The following ZMYND8 variants were observed in gnomAD, a reference collection of about 807,000 sequenced individuals.
ZMYND8 encodes the protein MYND-type zinc finger-containing chromatin reader ZMYND8.
Under a neutral mutation model 140.8 loss-of-function variants are expected in ZMYND8, and 37 were observed. The ratio of observed to expected loss-of-function variants is 0.26; its 90% confidence interval spans 0.20 to 0.35. The LOEUF is 0.35. ZMYND8 is among the 10% of genes least tolerant of loss of function. The pLI is 1.00. For synonymous variants in ZMYND8, 592 were observed against 597.1 expected (o/e 0.99, Z 0.12); for missense variants, 1,068 against 1,570.0 (o/e 0.68, Z 5.40).
At chr20:47,309,660 TCAAGCC>T (rs2078766362) in intron 3 of ZMYND8, among the ~76,000 whole-genome samples, 1 of 151,530 alleles carries the variant, frequency 6.6e-6, no homozygotes, top group South Asian at 2.1e-4. Flanking sequence ...GGAACTTGCC[TCAAGCC>T]AAGCAACCGC....
At chr20:47,233,974 A>G (rs1415913638) in intron 16 of ZMYND8, among the ~76,000 whole-genome samples, 1 of 152,242 alleles carries the variant, frequency 6.6e-6, no homozygotes, top group African/African-American at 2.4e-5. Context: ...ACCCAATGGA[A>G]TACAGCAAAC....
chr20:47,343,996 ATT>A (rs2082135236), intron 2 of ZMYND8, among the ~76,000 whole-genome samples: 1 of 129,684 alleles, frequency 7.7e-6, no homozygotes, highest in African/African-American at 3.1e-5. Flanking sequence ...AGATAGTCTC[ATT>A]CTATCTCCCA....
At chr20:47,345,215 C>T (rs1303268177) in intron 2 of ZMYND8, among the ~76,000 whole-genome samples, 2 of 152,174 alleles carry the variant, frequency 1.3e-5, no homozygotes, top group African/African-American at 4.8e-5. Context: ...CACCAAAAGC[C>T]TCTTTGAGGA....
chr20:47,345,710 T>C (rs761136861), intron 2 of ZMYND8, among the ~76,000 whole-genome samples: 1 of 152,020 alleles, frequency 6.6e-6, no homozygotes, highest in Admixed American at 6.6e-5. Flanking sequence ...GGTTTCACCG[T>C]GTTGCCCAGG....
intron 12 of ZMYND8, among the ~76,000 whole-genome samples, chr20:47,259,361 T>C (rs1222418879): frequency 6.6e-6 from 1 of 152,110 alleles, no homozygotes; most frequent in Non-Finnish European, 1.5e-5. Flanking sequence ...GACCATCCTA[T>C]TACATCAGGG....
intron 11 of ZMYND8, among the ~76,000 whole-genome samples, chr20:47,266,294 A>C (rs2075520472): frequency 7.2e-6 from 1 of 139,494 alleles, no homozygotes. Context: ...GGGGGCGGGG[A>C]GAGAGATGGA....
Position 47,282,098 on chromosome 20 carries a change from C to A in ZMYND8, c.998+4G>T. ...CATGTTCCAAGCCTGTTATTAACTC[C>A]CACCTGTCATGTTGTCCAAAGAATC... On this transcript the variant is annotated splice_donor_region_variant and intron_variant, in intron 10 of 22. Coordinates refer to ENST00000471951, the MANE Select transcript of ZMYND8 (RefSeq NM_001281775.3). 1.2e-6 allele frequency: 2 copies of A among 1,611,024 alleles called. No individual in the cohort carries two copies. The highest frequency in any genetic ancestry group is 1.7e-6 in the Non-Finnish European group (2 of 1,178,622).
chr20:47,244,578 T>C (rs1171272018), intron 14 of ZMYND8, among the ~76,000 whole-genome samples: 1 of 152,184 alleles, frequency 6.6e-6, no homozygotes, highest in Non-Finnish European at 1.5e-5. Context: ...CAGGGGATAT[T>C]TGGCAATATT....
chr20:47,356,564 G>A (rs2083257563), intron 1 of ZMYND8, 93 bp downstream of exon 1: 1 of 1,613,700 alleles, frequency 6.2e-7, no homozygotes, highest in East Asian at 2.2e-5. Context: ...GGTGAGTGTG[G>A]CACGGCCAGC....
rs1602201582 is a variant in ZMYND8, at chr20:47,352,524, C to G, written c.14+4133G>C. ...ACCCCCAACAGAGCCTGAGAATTAA[C>G]AATGGGTTTTGCAAAACCCGCTTTC... On this transcript the variant is annotated intron_variant, in intron 1 of 22. Transcript: ENST00000471951. 3 of 985,366 alleles carry G rather than the reference C, an allele frequency of 3.0e-6. No homozygotes were observed. In the East Asian group the frequency reaches 3.4e-4, roughly 112 times the overall value. The allele number at this position is 985,366 out of a possible 1,614,324, so 61.0% of individuals were successfully genotyped here. A position where few individuals can be genotyped will look rare whatever the true frequency, so the allele number is the denominator to read the frequency against.
At chr20:47,217,150 G>C (rs1384366482) in intron 21 of ZMYND8, among the ~76,000 whole-genome samples, 1 of 152,100 alleles carries the variant, frequency 6.6e-6, no homozygotes, top group Non-Finnish European at 1.5e-5. Context: ...TAGGAAGGAG[G>C]GAGGTATAGA....
At chr20:47,339,753 G>A (rs2081684444) in intron 2 of ZMYND8, among the ~76,000 whole-genome samples, 1 of 152,182 alleles carries the variant, frequency 6.6e-6, no homozygotes, top group Non-Finnish European at 1.5e-5. Context: ...TGGGATCACA[G>A]GCGTGAGTGA....
Position 47,224,552 on chromosome 20 carries a change from C to G in ZMYND8, c.3021G>C (p.Leu1007=). Reference sequence around the variant, plus strand: ...GGCTCTGCCGCATCTCCGCCATGGTCAGCTCTGGTGGAGGAGGGGAAGAAC... The same window carrying G: ...GGCTCTGCCGCATCTCCGCCATGGTGAGCTCTGGTGGAGGAGGGGAAGAAC... ...ELSEMKHNLE[L]TMAEMRQSLE... The change falls in exon 19 of 23, where the codon CTG becomes CTC. Residue 1007 remains leucine, a synonymous_variant. Coordinates refer to ENST00000471951, the MANE Select transcript of ZMYND8 (RefSeq NM_001281775.3). 3.7e-6 allele frequency: 6 copies of G among 1,613,126 alleles called. No individual in the cohort carries two copies. Among genetic ancestry groups the G allele is most frequent in the Non-Finnish European group, 4.2e-6 (5 of 1,180,048 alleles).
intron 10 of ZMYND8, among the ~76,000 whole-genome samples, chr20:47,279,880 T>C (rs564210927): frequency 1.2e-3 from 184 of 152,058 alleles, no homozygotes; most frequent in Non-Finnish European, 2.4e-3. Context: ...CCCAGCACTC[T>C]GGGAGGCCAA....
At chr20:47,314,080 GACTACTGGTTGCCTTGGGA>G (rs146848721) in intron 2 of ZMYND8, among the ~76,000 whole-genome samples, 6,150 of 152,278 alleles carry the variant, frequency 0.04, 392 homozygotes, top group African/African-American at 0.14. Flanking sequence ...TCGACTTGGG[GACTACTGGTTGCCTTGGGA>G]GGGGTGCCTG....
intron 1 of ZMYND8, chr20:47,352,070 A>G (rs1350503794): frequency 1.1e-6 from 1 of 925,532 alleles, no homozygotes; most frequent in Non-Finnish European, 1.3e-6. Flanking sequence ...AGGTGGGTAG[A>G]AGGTTAGGAA....
chr20:47,249,462 CG>C, intron 12 of ZMYND8, 23 bp from the exon 13 acceptor site: 2 of 1,612,476 alleles, frequency 1.2e-6, no homozygotes, highest in Non-Finnish European at 1.7e-6. Flanking sequence ...ATCACACCCT[CG>C]TAAGATCAGG....
chr20:47,312,715 T>A (rs2079030214), intron 2 of ZMYND8, among the ~76,000 whole-genome samples: 1 of 149,726 alleles, frequency 6.7e-6, no homozygotes, highest in Non-Finnish European at 1.5e-5. Context: ...ACTTGAACCC[T>A]GGAGTCAGAG....
Position 47,216,452 on chromosome 20 carries a change from G to A in ZMYND8, c.3485-3727C>T, listed in dbSNP as rs151162824. ...AAAGGTTGTAGTGAGCCAAGATCACGCAACTGCACTCCAGTCTGGACAACA... is the reference window on the plus strand; with the variant it reads ...AAAGGTTGTAGTGAGCCAAGATCACACAACTGCACTCCAGTCTGGACAACA... On this transcript the variant is annotated intron_variant, in intron 21 of 22. Coordinates refer to ENST00000471951, the MANE Select transcript of ZMYND8 (RefSeq NM_001281775.3). 8.1e-3 allele frequency among the ~76,000 whole-genome samples: 1,047 copies of A among 129,088 alleles called. 16 individuals are homozygous for A. Among genetic ancestry groups the A allele is most frequent in the African/African-American group, 0.029 (982 of 33,586 alleles). The allele number at this position is 129,088 out of a possible 152,430, so 84.7% of individuals were successfully genotyped here.
Sources: gnomAD v4.1 joint callset for allele counts (sites outside exome capture counted in the v4.1 genomes callset) on GRCh38, gnomAD v4.1.1 for gene constraint, MANE v1.5 for transcripts, NCBI Gene and HGNC (gene_info 2026-07-23, HGNC 2026-07-21) for gene names.